The following GLRA2 variants were observed in gnomAD, a reference collection of about 807,000 sequenced individuals.
The protein encoded by GLRA2 is glycine receptor subunit alpha-2.
Under a neutral mutation model 31.6 loss-of-function variants are expected in GLRA2, and 11 were observed. That is an observed-to-expected ratio of 0.35 (90% CI 0.22 to 0.58). The LOEUF is 0.58. Ranked by LOEUF, GLRA2 falls within the 20% of genes least tolerant of loss-of-function variation. The probability of loss-of-function intolerance (pLI) is 0.84; values close to 1 mark genes in which losing one functional copy is unlikely to be tolerated. For missense variants in GLRA2, 212 were observed against 351.8 expected (o/e 0.60, Z 3.18); for synonymous variants, 132 against 134.0 (o/e 0.99, Z 0.10).
intron 7 of GLRA2, among the ~76,000 whole-genome samples, chrX:14,672,622 C>A (rs780445422): frequency 9.0e-6 from 1 of 111,342 alleles, no homozygotes; most frequent in African/African-American, 3.3e-5. Context: ...AAATGCTGCT[C>A]AACTATAGGA....
chrX:14,708,810 C>T lies in GLRA2; in HGVS notation c.1080+17951C>T, dbSNP rs1032603966. On this transcript the variant is annotated intron_variant, in intron 8 of 8. Transcript: ENST00000218075. ...AATTAGCCGGGCACGGTGGCTCATG[C>T]CTGTAATCCCAGCTACTCGGGAAGC... 2.7e-5 allele frequency among the ~76,000 whole-genome samples: 3 copies of T among 111,379 alleles called. No homozygotes were observed. The Admixed American group carries it at 2.8e-4, about 11-fold the overall frequency.
chrX:14,634,137 C>G (rs1601786900), intron 7 of GLRA2, among the ~76,000 whole-genome samples: 1 of 110,640 alleles, frequency 9.0e-6, no homozygotes, highest in Non-Finnish European at 1.9e-5. Context: ...TTAGTAGAGA[C>G]AGGGTTTCAC....
At chrX:14,511,639 C>T in the GLRA2 span, among the ~76,000 whole-genome samples, 1 of 111,907 alleles carries the variant, frequency 8.9e-6, no homozygotes, top group African/African-American at 3.2e-5. Flanking sequence ...AAATGCATCT[C>T]TTTTTATCTA....
At chrX:14,527,468 A>G (rs748137466), upstream of GLRA2, among the ~76,000 whole-genome samples, 1 of 110,780 alleles carries the variant, frequency 9.0e-6, no homozygotes, top group South Asian at 3.9e-4. Flanking sequence ...TACAAAAATT[A>G]GCTGGGTATG....
chrX:14,512,889 T>C, the GLRA2 span, among the ~76,000 whole-genome samples: 1 of 111,451 alleles, frequency 9.0e-6, no homozygotes, highest in Non-Finnish European at 1.9e-5. Context: ...ACCACCATCA[T>C]TCTCAGAACA....
At chrX:14,493,722 T>C in the GLRA2 span, among the ~76,000 whole-genome samples, 8 of 92,521 alleles carry the variant, frequency 8.6e-5, no homozygotes, top group African/African-American at 2.4e-4. Flanking sequence ...TATACATATA[T>C]ACGTGTATAT....
chrX:14,494,342 G>A, the GLRA2 span, among the ~76,000 whole-genome samples: 1 of 111,676 alleles, frequency 9.0e-6, no homozygotes, highest in Non-Finnish European at 1.9e-5. Context: ...GTATTATGTG[G>A]ATATGAATAG....
intron 2 of GLRA2, among the ~76,000 whole-genome samples, chrX:14,567,216 A>G (rs901135286): frequency 8.9e-6 from 1 of 111,865 alleles, no homozygotes; most frequent in African/African-American, 3.3e-5. Flanking sequence ...TTAGCAAACC[A>G]TATCCAACAG....
chrX:14,568,567 C>A (rs1288288417), intron 2 of GLRA2, among the ~76,000 whole-genome samples: 3 of 110,021 alleles, frequency 2.7e-5, no homozygotes, highest in Non-Finnish European at 1.9e-5. Context: ...GTGGCACATG[C>A]CTGTAATCCC....
At chrX:14,729,175 C>A (rs2091962197) in intron 8 of GLRA2, among the ~76,000 whole-genome samples, 1 of 111,998 alleles carries the variant, frequency 8.9e-6, no homozygotes, top group Admixed American at 9.5e-5. Flanking sequence ...ACCAAGTTTC[C>A]TTGTCTTTTG....
intron 7 of GLRA2, among the ~76,000 whole-genome samples, chrX:14,684,521 C>T (rs1186094531): frequency 9.0e-6 from 1 of 111,297 alleles, no homozygotes; most frequent in African/African-American, 3.3e-5. Flanking sequence ...TCTCCTTGAA[C>T]AGGTCCTTCA....
At chrX:14,546,909 T>C (rs1004679433) in intron 2 of GLRA2, among the ~76,000 whole-genome samples, 2 of 111,642 alleles carry the variant, frequency 1.8e-5, no homozygotes, top group Admixed American at 9.6e-5. Flanking sequence ...TAATAAACCA[T>C]GCATACATAA....
At chrX:14,593,790 G>C (rs755988049) in intron 4 of GLRA2, among the ~76,000 whole-genome samples, 1 of 112,853 alleles carries the variant, frequency 8.9e-6, no homozygotes, top group Non-Finnish European at 1.9e-5. Context: ...TAACACATAC[G>C]TATGGACATA....
chrX:14,609,937 T>C (rs1353626413), intron 7 of GLRA2, among the ~76,000 whole-genome samples: 2 of 111,007 alleles, frequency 1.8e-5, no homozygotes, highest in Non-Finnish European at 3.8e-5. Flanking sequence ...GTGTAATCTA[T>C]TTTTATAAAA....
chrX:14,607,745 A>G (rs1019598431), intron 6 of GLRA2, among the ~76,000 whole-genome samples: 3 of 111,283 alleles, frequency 2.7e-5, no homozygotes, highest in African/African-American at 9.8e-5. Flanking sequence ...TGTGTTCTTC[A>G]GTCCTGGATA....
At chrX:14,583,056 T>G (rs2090040339) in intron 4 of GLRA2, among the ~76,000 whole-genome samples, 1 of 109,830 alleles carries the variant, frequency 9.1e-6, no homozygotes, top group Admixed American at 9.7e-5. Flanking sequence ...AAATCAGTTC[T>G]TTTTTTTTAA....
At chrX:14,726,549 A>G (rs907964300) in intron 8 of GLRA2, among the ~76,000 whole-genome samples, 1 of 112,532 alleles carries the variant, frequency 8.9e-6, no homozygotes, top group African/African-American at 3.2e-5. Flanking sequence ...ATGAATGAGG[A>G]AAGTATTTTC....
chrX:14,588,398 T>A (rs1328610112), intron 4 of GLRA2, among the ~76,000 whole-genome samples: 1 of 111,685 alleles, frequency 9.0e-6, no homozygotes, highest in Non-Finnish European at 1.9e-5. Context: ...TGGTTGTGTG[T>A]GGCTTTATTT....
At chrX:14,560,239 A>G (rs1375941309) in intron 2 of GLRA2, among the ~76,000 whole-genome samples, 3 of 112,665 alleles carry the variant, frequency 2.7e-5, no homozygotes, top group South Asian at 7.3e-4. Flanking sequence ...CATTAAAACA[A>G]TTGTGGTACT....
Sources: allele counts gnomAD v4.1 joint callset (sites outside exome capture counted in the v4.1 genomes callset), GRCh38; gene constraint gnomAD v4.1.1; transcripts MANE v1.5; gene names NCBI Gene and HGNC (gene_info 2026-07-23, HGNC 2026-07-21).